The following EYA3 variants were observed in gnomAD, a reference collection of about 807,000 sequenced individuals.
EYA3 encodes the protein EYA transcriptional coactivator and phosphatase 3.
EYA3 carries 39 observed loss-of-function variants against 80.0 expected under a neutral mutation model. That is an observed-to-expected ratio of 0.49 (90% CI 0.38 to 0.64). EYA3 has a LOEUF of 0.64. Ranked by LOEUF, EYA3 falls within the 30% of genes least tolerant of loss-of-function variation. The pLI, the probability that EYA3 is intolerant of heterozygous loss-of-function variation, is 0.00. For synonymous variants in EYA3, 206 were observed against 232.8 expected (o/e 0.88, Z 1.05); for missense variants, 523 against 676.1 (o/e 0.77, Z 2.51).
chr1:27,988,564 A>G lies in EYA3; in HGVS notation c.1511T>C (p.Ile504Thr). ...TTTGGTAGCACTATAGATGTTCTCA[A>G]TAGGAAATATTTCTCCTAGTCCATA... ...LLYGLGEIFP[I>T]ENIYSATKIG... The change falls in exon 16 of 18, where the codon ATT (isoleucine) becomes ACT (threonine). Residue 504 changes from isoleucine to threonine, a missense_variant. By Grantham distance (89) the Ile-to-Thr change is moderately conservative. This residue lies in a region of EYA3 where 219 missense variants were observed against 332.8 expected (regional missense o/e 0.66). Transcript: ENST00000373871. The G allele has an allele frequency of 6.2e-7, 1 of 1,614,140 alleles. No individual in the cohort carries two copies. The highest frequency in any genetic ancestry group is 1.3e-5 in the African/African-American group (1 of 75,060).
Position 28,058,642 on chromosome 1 carries a change from T to C in EYA3, c.-68-548A>G, listed in dbSNP as rs147710862. 2.4e-3 allele frequency among the ~76,000 whole-genome samples: 369 copies of C among 152,298 alleles called. 2 individuals are homozygous for C. Among genetic ancestry groups the C allele is most frequent in the South Asian group, 7.7e-3 (37 of 4,830 alleles). On this transcript the variant is annotated intron_variant, in intron 1 of 17. Transcript: ENST00000373871. ...TCTGCATCTCAATAATAAAAATAAA[T>C]AAGTAGAGTGAAACCTTGACTTTTA...
At chr1:28,067,552 T>C (rs192347194) in intron 1 of EYA3, among the ~76,000 whole-genome samples, 1 of 152,192 alleles carries the variant, frequency 6.6e-6, no homozygotes, top group Non-Finnish European at 1.5e-5. Context: ...GAAAAAAAAT[T>C]TCAGTTTTGA....
At chr1:28,040,359 G>A (rs531767257) in intron 4 of EYA3, among the ~76,000 whole-genome samples, 27 of 152,260 alleles carry the variant, frequency 1.8e-4, no homozygotes, top group Non-Finnish European at 3.4e-4. Context: ...TAAAGGAATC[G>A]AAAGTTCTTT....
chr1:28,073,270 C>G (rs1452112634), intron 1 of EYA3, among the ~76,000 whole-genome samples: 1 of 138,744 alleles, frequency 7.2e-6, no homozygotes, highest in African/African-American at 2.7e-5. Flanking sequence ...GTAGCTGGGA[C>G]TACAGGCACG....
At chr1:28,020,067 A>T (rs1642327926) in intron 7 of EYA3, among the ~76,000 whole-genome samples, 1 of 152,170 alleles carries the variant, frequency 6.6e-6, no homozygotes, top group Non-Finnish European at 1.5e-5. Flanking sequence ...ATGGGGGAAA[A>T]TGTACTCTGA....
At chr1:28,010,851 A>G in intron 10 of EYA3, 96 bp downstream of exon 10, 1 of 1,308,802 alleles carries the variant, frequency 7.6e-7, no homozygotes. Context: ...CACATAACAT[A>G]GTGCACATTA....
At chr1:27,986,798 GT>G (rs1378998759) in intron 16 of EYA3, among the ~76,000 whole-genome samples, 1 of 152,172 alleles carries the variant, frequency 6.6e-6, no homozygotes, top group Non-Finnish European at 1.5e-5. Flanking sequence ...CGCCTCTCAG[GT>G]TCAAGGGATT....
chr1:27,973,545 T>C lies in EYA3; in HGVS notation c.*921A>G, dbSNP rs1448184452. On this transcript the variant is annotated 3_prime_UTR_variant, in exon 18 of 18. Coordinates refer to ENST00000373871, the MANE Select transcript of EYA3 (RefSeq NM_001990.4). Reference sequence around the variant, plus strand: ...AGTTTGGAAGCTAAGCCTCCTGTGATACAGTCTGAATGACAGTCAAGCTGA... The same window carrying C: ...AGTTTGGAAGCTAAGCCTCCTGTGACACAGTCTGAATGACAGTCAAGCTGA... 1 of 152,108 alleles carries C rather than the reference T, an allele frequency of 6.6e-6. No homozygotes were observed. The highest frequency in any genetic ancestry group is 2.4e-5 in the African/African-American group (1 of 41,422). The allele number at this position is 152,108 out of a possible 1,614,324, so 9.4% of individuals were successfully genotyped here.
At chr1:28,063,303 ATAT>A (rs200215426) in intron 1 of EYA3, among the ~76,000 whole-genome samples, 1,313 of 75,314 alleles carry the variant, frequency 0.017, 15 homozygotes, top group African/African-American at 0.049. Context: ...ATATATATAT[ATAT>A]TTTTTTTTAT....
chr1:28,078,360 G>A (rs567769535), intron 1 of EYA3, among the ~76,000 whole-genome samples: 9 of 152,190 alleles, frequency 5.9e-5, no homozygotes, highest in Middle Eastern at 6.8e-3. Flanking sequence ...TCAAGCTCCT[G>A]AGCAATATAA....
chr1:27,989,769 C>T lies in EYA3; in HGVS notation c.1346G>A (p.Arg449Lys). 1 of 1,611,858 alleles carries T rather than the reference C, an allele frequency of 6.2e-7. No individual in the cohort carries two copies. The highest frequency in any genetic ancestry group is 8.5e-7 in the Non-Finnish European group (1 of 1,178,898). The change falls in exon 15 of 18, where the codon AGA (arginine) becomes AAA (lysine). Residue 449 changes from arginine (R) to lysine (K), a missense_variant. Arg to Lys is a conservative substitution (Grantham distance 26, BLOSUM62 2). Transcript: ENST00000373871. The stretch of plus-strand genomic sequence containing the variant: ...ATCTGTTAAAACTTCAATTTCTGCT[C>T]TTAATCTCTGCAGTGCTTCCTTCCT... ...PQRKEALQRL[R>K]AEIEVLTDSW... is the part of the protein sequence containing the mutation.
intron 8 of EYA3, 48 bp downstream of exon 8, chr1:28,017,106 A>G (rs771913632): frequency 6.7e-7 from 1 of 1,488,538 alleles, no homozygotes; most frequent in East Asian, 2.3e-5. Flanking sequence ...AAGAAAGAGC[A>G]AGCTGGATGA....
chr1:28,087,159 GA>G (rs1645686002), intron 1 of EYA3, among the ~76,000 whole-genome samples: 2 of 152,012 alleles, frequency 1.3e-5, no homozygotes, highest in Admixed American at 6.6e-5. Flanking sequence ...TAAACATCGG[GA>G]AAAAATAAAG....
rs113057607 is a variant in EYA3, at chr1:28,042,723, C to T, written c.78-73G>A. On this transcript the variant is annotated intron_variant, in intron 3 of 17. Coordinates refer to ENST00000373871, the MANE Select transcript of EYA3 (RefSeq NM_001990.4). The stretch of plus-strand genomic sequence containing the variant: ...TTGCTAAAAAGTGATGAGTTCAAAC[C>T]CATTTCCTCCTAGGCTATATAAGTA... The T allele has an allele frequency of 9.8e-4, 1,137 of 1,159,662 alleles. 9 individuals are homozygous for T. In the African/African-American group the frequency reaches 0.016, roughly 16 times the overall value. The allele number at this position is 1,159,662 out of a possible 1,614,324, so 71.8% of individuals were successfully genotyped here. A position where few individuals can be genotyped will look rare whatever the true frequency, so the allele number is the denominator to read the frequency against.
At chr1:28,056,789 C>T (rs940279022) in intron 2 of EYA3, among the ~76,000 whole-genome samples, 2 of 152,068 alleles carry the variant, frequency 1.3e-5, no homozygotes, top group African/African-American at 4.8e-5. Flanking sequence ...CTAACAATAC[C>T]CATATTTCAA....
At chr1:27,992,194 C>T (rs991249908) in intron 14 of EYA3, among the ~76,000 whole-genome samples, 2 of 152,050 alleles carry the variant, frequency 1.3e-5, no homozygotes, top group Non-Finnish European at 2.9e-5. Context: ...GAGTAAAATA[C>T]CTCTAGGCCA....
At position 27,997,349 on chromosome 1, in the gene EYA3, C is replaced by T; in HGVS notation, c.1113G>A (p.Val371=). 1 of 1,614,102 alleles carries T rather than the reference C, an allele frequency of 6.2e-7. No homozygotes were observed. Among genetic ancestry groups the T allele is most frequent in the Non-Finnish European group, 8.5e-7 (1 of 1,179,988 alleles). ...AGTCTTGGCCATTGTCATCAGAAGC[C>T]ACATCTTCCACATGTACCTGGTCAC... is the stretch of plus-strand genomic sequence containing the variant. ...EECDQVHVED[V]ASDDNGQDLS... The change falls in exon 13 of 18, where the codon GTG becomes GTA. Residue 371 remains valine, a synonymous_variant. Coordinates refer to ENST00000373871, the MANE Select transcript of EYA3 (RefSeq NM_001990.4).
chr1:28,069,611 A>G (rs560958), intron 1 of EYA3, among the ~76,000 whole-genome samples: 39,066 of 144,552 alleles, frequency 0.27, 5,378 homozygotes, highest in Non-Finnish European at 0.28. Context: ...GGAAAGGAGA[A>G]AGGGAGGGAA....
At chr1:28,004,004 C>T (rs1338415221) in intron 11 of EYA3, among the ~76,000 whole-genome samples, 1 of 152,158 alleles carries the variant, frequency 6.6e-6, no homozygotes, top group East Asian at 1.9e-4. Context: ...AATAAGACAT[C>T]AGCCTCTGGA....
Sources: allele counts gnomAD v4.1 joint callset (sites outside exome capture counted in the v4.1 genomes callset), GRCh38; gene constraint gnomAD v4.1.1; regional missense constraint gnomAD v4.1.1; transcripts MANE v1.5; gene names NCBI Gene and HGNC (gene_info 2026-07-23, HGNC 2026-07-21).